SLAIN1: variants seen among roughly 807,000 people sequenced by gnomAD.
SLAIN1 encodes SLAIN motif-containing protein 1.
SLAIN1 carries 17 observed loss-of-function variants against 55.4 expected under a neutral mutation model. The ratio of observed to expected loss-of-function variants is 0.31; its 90% CI spans 0.21 to 0.46. The LOEUF (loss-of-function observed/expected upper bound fraction) is 0.46, where lower values mean the gene tolerates loss of function less well. SLAIN1 is among the 20% of genes least tolerant of loss of function. SLAIN1 has a pLI of 1.00. For synonymous variants in SLAIN1, 348 were observed against 337.4 expected (o/e 1.03, Z -0.35); for missense variants, 682 against 785.1 (o/e 0.87, Z 1.57).
At chr13:77,722,084 A>G in intron 2 of SLAIN1, among the ~76,000 whole-genome samples, 1 of 151,292 alleles carries the variant, frequency 6.6e-6, no homozygotes, top group East Asian at 1.9e-4. Context: ...TTTTCCTTTC[A>G]TTGATGTGGA....
At chr13:77,719,502 A>G (rs1249532855) in intron 1 of SLAIN1, 30 bp from the exon 2 acceptor site, 1 of 1,567,962 alleles carries the variant, frequency 6.4e-7, no homozygotes, top group Non-Finnish European at 8.7e-7. Context: ...TACCTATATC[A>G]TACCTATAAT....
intron 2 of SLAIN1, among the ~76,000 whole-genome samples, chr13:77,733,912 G>A (rs1345439828): frequency 6.6e-6 from 1 of 152,158 alleles, no homozygotes. Flanking sequence ...GGGTTGCTCA[G>A]GTTGGAGCCA....
At chr13:77,710,779 A>C (rs1315425832) in intron 1 of SLAIN1, among the ~76,000 whole-genome samples, 2 of 152,232 alleles carry the variant, frequency 1.3e-5, no homozygotes, top group Non-Finnish European at 2.9e-5. Flanking sequence ...AATCAACAGA[A>C]TATACATTCT....
chr13:77,706,415 C>G (rs576313993), intron 1 of SLAIN1, among the ~76,000 whole-genome samples: 80 of 152,092 alleles, frequency 5.3e-4, no homozygotes, highest in Non-Finnish European at 1.0e-3. Flanking sequence ...TCTTTAATTA[C>G]CTATCAGAAA....
chr13:77,725,423 C>T (rs778975624), intron 2 of SLAIN1, among the ~76,000 whole-genome samples: 8 of 152,158 alleles, frequency 5.3e-5, no homozygotes, highest in Non-Finnish European at 8.8e-5. Context: ...AAGCTACCCT[C>T]TCCTTTTCAC....
In SLAIN1 at chr13:77,763,265, A is replaced by T; in HGVS notation, c.*45A>T. 6.6e-7 allele frequency: 1 copy of T among 1,510,832 alleles called. No individual in the cohort carries two copies. Among genetic ancestry groups the T allele is most frequent in the Non-Finnish European group, 9.2e-7 (1 of 1,087,332 alleles). 93.6% of individuals were successfully genotyped at this position (1,510,832 alleles called of 1,614,324 possible). A position where few individuals can be genotyped will look rare whatever the true frequency, so the allele number is the denominator to read the frequency against. On this transcript the variant is annotated 3_prime_UTR_variant, in exon 7 of 7. Coordinates refer to ENST00000418532, the MANE Select transcript of SLAIN1 (RefSeq NM_001242868.2). Reference sequence around the variant, plus strand: ...GAAAAATGGGAAAGAAGTAAAAATGAGGGTTGTGTTACCTAGCTGGCTGGG... The same window carrying T: ...GAAAAATGGGAAAGAAGTAAAAATGTGGGTTGTGTTACCTAGCTGGCTGGG...
rs2090990616 is a variant in SLAIN1, at chr13:77,697,982, G to A, written c.69G>A (p.Val23=). Residue 23 remains valine, a synonymous_variant, in exon 1 of 7, where the codon GTG becomes GTA. Coordinates refer to ENST00000418532, the MANE Select transcript of SLAIN1 (RefSeq NM_001242868.2). ...VSSGAGSGPV[V]NAELEVKKLQ... The stretch of plus-strand genomic sequence containing the variant: ...CTGGAGCGGGCTCCGGGCCGGTGGT[G>A]AACGCGGAGCTGGAGGTGAAGAAGC... 6.9e-7 allele frequency: 1 copy of A among 1,448,678 alleles called. No individual in the cohort carries two copies. The allele number at this position is 1,448,678 out of a possible 1,614,324, so 89.7% of individuals were successfully genotyped here.
chr13:77,701,338 T>C (rs1313116168), intron 1 of SLAIN1, among the ~76,000 whole-genome samples: 4 of 152,178 alleles, frequency 2.6e-5, no homozygotes, highest in Non-Finnish European at 5.9e-5. Flanking sequence ...AATAAAACCT[T>C]AGAATACATT....
chr13:77,751,038 G>A lies in SLAIN1; in HGVS notation c.1259-2165G>A, dbSNP rs937020553. On this transcript the variant is annotated intron_variant, in intron 4 of 6. Transcript: ENST00000418532. The stretch of plus-strand genomic sequence containing the variant: ...AGGTGTTAGTAATGTCAAAGGAGTA[G>A]TGTATGAAAGGGGAATAAGAAGAGC... Among the ~76,000 whole-genome samples the A allele has an allele frequency of 1.7e-4, 26 of 152,150 alleles. 1 individual carries two copies. Among genetic ancestry groups the A allele is most frequent in the Admixed American group, 1.3e-4 (2 of 15,266 alleles).
intron 6 of SLAIN1, among the ~76,000 whole-genome samples, chr13:77,762,318 G>A (rs1875100856): frequency 6.6e-6 from 1 of 152,176 alleles, no homozygotes; most frequent in Admixed American, 6.5e-5. Context: ...CTCTTGGAAA[G>A]GTCACTGCTA....
intron 1 of SLAIN1, among the ~76,000 whole-genome samples, chr13:77,701,165 A>C (rs1396665223): frequency 1.3e-5 from 2 of 152,116 alleles, no homozygotes; most frequent in African/African-American, 4.8e-5. Context: ...TTTTTCATGC[A>C]TTTTTTATTG....
chr13:77,726,695 G>A lies in SLAIN1; in HGVS notation c.766+7024G>A, dbSNP rs2154409879. ...TGGCCTCCCTGTGCTGGGATTATAG[G>A]CATGAGCCACTGTGCTTGGCCCTAA... is the stretch of plus-strand genomic sequence containing the variant. On this transcript the variant is annotated intron_variant, in intron 2 of 6. Coordinates refer to ENST00000418532, the MANE Select transcript of SLAIN1 (RefSeq NM_001242868.2). Among the ~76,000 whole-genome samples, 4 of 152,242 alleles carry A rather than the reference G, an allele frequency of 2.6e-5. No homozygotes were observed. The East Asian group carries it at 7.7e-4, about 29-fold the overall frequency.
In SLAIN1 at chr13:77,763,207, A is replaced by G. The variant is rs1875195397; in HGVS notation, c.1760A>G (p.Asp587Gly). 1 of 1,613,760 alleles carries G rather than the reference A, an allele frequency of 6.2e-7. No individual in the cohort carries two copies. The highest frequency in any genetic ancestry group is 8.5e-7 in the Non-Finnish European group (1 of 1,179,814). Residue 587 changes from aspartate (D) to glycine (G), a missense_variant, in exon 7 of 7, where the codon GAT becomes GGT. Transcript: ENST00000418532. Reference sequence around the variant, plus strand: ...ACTCTGAGGGATGGAAATTGGAGAGATGGTTGCTACTAATGCAGTTTTATG... The same window carrying G: ...ACTCTGAGGGATGGAAATTGGAGAGGTGGTTGCTACTAATGCAGTTTTATG... Reference protein sequence around the residue: ...LSTLRDGNWRDGCY With the variant: ...LSTLRDGNWRGGCY
At chr13:77,710,937 A>T (rs1170846006) in intron 1 of SLAIN1, among the ~76,000 whole-genome samples, 1 of 152,236 alleles carries the variant, frequency 6.6e-6, no homozygotes, top group Non-Finnish European at 1.5e-5. Flanking sequence ...AACTGACTGA[A>T]AACCGCACAA....
At chr13:77,712,159 A>C (rs950255950) in intron 1 of SLAIN1, among the ~76,000 whole-genome samples, 1 of 152,220 alleles carries the variant, frequency 6.6e-6, no homozygotes, top group African/African-American at 2.4e-5. Flanking sequence ...AAACTGGCAC[A>C]AGACAAAGAT....
At chr13:77,711,373 T>TA (rs1418329851) in intron 1 of SLAIN1, among the ~76,000 whole-genome samples, 1 of 151,798 alleles carries the variant, frequency 6.6e-6, no homozygotes, top group East Asian at 1.9e-4. Flanking sequence ...ATACACACAA[T>TA]AAAAAATGAT....
At chr13:77,745,072 A>C (rs1873720613) in intron 3 of SLAIN1, among the ~76,000 whole-genome samples, 1 of 152,082 alleles carries the variant, frequency 6.6e-6, no homozygotes. Context: ...TGGTGGAGTT[A>C]GGTATAGGGC....
At chr13:77,719,965 T>C (rs2091246078) in intron 2 of SLAIN1, among the ~76,000 whole-genome samples, 1 of 152,020 alleles carries the variant, frequency 6.6e-6, no homozygotes, top group Admixed American at 6.6e-5. Flanking sequence ...TCAAAAAAAT[T>C]GTCAGTTATC....
intron 2 of SLAIN1, among the ~76,000 whole-genome samples, chr13:77,737,636 T>C (rs2154410192): frequency 6.6e-6 from 1 of 152,236 alleles, no homozygotes; most frequent in African/African-American, 2.4e-5. Context: ...GCATTACTTC[T>C]ATTTAGAATG....
Sources: gnomAD v4.1 joint callset for allele counts (sites outside exome capture counted in the v4.1 genomes callset) on GRCh38, gnomAD v4.1.1 for gene constraint, MANE v1.5 for transcripts, NCBI Gene and HGNC (gene_info 2026-07-23, HGNC 2026-07-21) for gene names.